Variants in NAALAD2 observed in about 807,000 individuals in gnomAD.
NAALAD2 encodes N-acetylated alpha-linked acidic dipeptidase 2.
Under a neutral mutation model 95.6 loss-of-function variants are expected in NAALAD2, and 89 were observed. The ratio of observed to expected loss-of-function variants is 0.93; its 90% confidence interval spans 0.78 to 1.11. The LOEUF is 1.11. NAALAD2 is among the 50% of genes least tolerant of loss of function. The pLI is 0.00. For synonymous variants in NAALAD2, 264 were observed against 294.4 expected, an observed-to-expected ratio of 0.90 and a Z score of 1.06; for missense variants, 894 against 872.4, an observed-to-expected ratio of 1.02 and a Z score of -0.31.
chr11:90,134,167 C>T (rs1951400208), upstream of NAALAD2, among the ~76,000 whole-genome samples: 2 of 151,958 alleles, frequency 1.3e-5, no homozygotes, highest in African/African-American at 4.8e-5. Context: ...TGAGTGGAAA[C>T]AGAATTACAG....
upstream of NAALAD2, among the ~76,000 whole-genome samples, chr11:90,132,372 G>A (rs963120148): frequency 6.6e-6 from 1 of 152,104 alleles, no homozygotes; most frequent in African/African-American, 2.4e-5. Context: ...AAATAGCTTA[G>A]CAACTTTATT....
intron 12 of NAALAD2, chr11:90,169,556 T>C (rs542339733): frequency 2.0e-4 from 31 of 154,152 alleles, no homozygotes; most frequent in Non-Finnish European, 4.2e-4. Flanking sequence ...CTGGATTGTC[T>C]ACGCCAACAG....
chr11:90,152,531 T>C, intron 6 of NAALAD2, 47 bp downstream of exon 6: 1 of 1,456,684 alleles, frequency 6.9e-7, no homozygotes. Flanking sequence ...AAATACTCCT[T>C]GCCCTTTTAG....
intron 11 of NAALAD2, among the ~76,000 whole-genome samples, chr11:90,167,949 C>T (rs10765261): frequency 0.45 from 68,677 of 152,032 alleles, 16,572 homozygotes; most frequent in African/African-American, 0.62. Context: ...AGCAGGCTGC[C>T]GGAGCAGCAG....
intron 12 of NAALAD2, 194 bp downstream of exon 12, chr11:90,169,186 T>G: frequency 2.1e-6 from 1 of 474,150 alleles, no homozygotes; most frequent in Non-Finnish European, 3.7e-6. Flanking sequence ...ATAATTAGGA[T>G]TCATATGAAT....
chr11:90,153,815 T>C (rs1951951631), intron 6 of NAALAD2, among the ~76,000 whole-genome samples: 1 of 152,050 alleles, frequency 6.6e-6, no homozygotes, highest in African/African-American at 2.4e-5. Context: ...TTTATGCTAT[T>C]GTAAAGTTTC....
At chr11:90,185,578 G>A (rs948460376) in intron 18 of NAALAD2, among the ~76,000 whole-genome samples, 1 of 152,070 alleles carries the variant, frequency 6.6e-6, no homozygotes, top group Non-Finnish European at 1.5e-5. Context: ...AAGGCAGGGG[G>A]ATTGCTTGAA....
intron 11 of NAALAD2, among the ~76,000 whole-genome samples, chr11:90,166,303 GTGTT>G (rs1952442343): frequency 6.6e-6 from 1 of 152,196 alleles, no homozygotes; most frequent in South Asian, 2.1e-4. Context: ...CTGTGTGTGT[GTGTT>G]TGTGTATGTG....
chr11:90,191,695 T>C lies in NAALAD2; in HGVS notation c.2171T>C (p.Ile724Thr), dbSNP rs1194525656. 1 of 1,600,512 alleles carries C rather than the reference T, an allele frequency of 6.2e-7. No individual in the cohort carries two copies. The change falls in exon 19 of 19, where the codon ATT (isoleucine) becomes ACT (threonine). Residue 724 changes from isoleucine to threonine, a missense_variant. By Grantham distance (89) the Ile-to-Thr change is moderately conservative (BLOSUM62 -1). Coordinates refer to ENST00000534061, the MANE Select transcript of NAALAD2 (RefSeq NM_005467.4). The part of the protein sequence containing the change: ...AWKEVKKHIS[I>T]AAFTIQAAAG... ...AAAGAAGTAAAGAAACATATTTCTA[T>C]TGCAGCTTTTACAATTCAAGCAGCA...
intron 16 of NAALAD2, among the ~76,000 whole-genome samples, chr11:90,180,312 C>G (rs1441752722): frequency 6.6e-6 from 1 of 152,070 alleles, no homozygotes; most frequent in Non-Finnish European, 1.5e-5. Flanking sequence ...CTCATAGTTT[C>G]TATTCTATCT....
At chr11:90,159,886 G>A (rs1007479899) in intron 8 of NAALAD2, among the ~76,000 whole-genome samples, 24 of 117,982 alleles carry the variant, frequency 2.0e-4, no homozygotes, top group East Asian at 3.6e-4. Context: ...CCCAGGAAGC[G>A]GAGGTTGCGG....
intron 16 of NAALAD2, among the ~76,000 whole-genome samples, chr11:90,181,407 C>T (rs1591024852): frequency 1.3e-5 from 2 of 152,082 alleles, no homozygotes; most frequent in Middle Eastern, 6.8e-3. Flanking sequence ...TTTTGAAAGT[C>T]ATTTCCTTTA....
chr11:90,153,433 T>C (rs576690407), intron 6 of NAALAD2, among the ~76,000 whole-genome samples: 2 of 152,304 alleles, frequency 1.3e-5, no homozygotes, highest in South Asian at 2.1e-4. Context: ...ATTTGCTATG[T>C]CCTCACCAAC....
intron 2 of NAALAD2, among the ~76,000 whole-genome samples, 200 bp downstream of exon 2, chr11:90,135,870 G>C (rs3740807): frequency 0.45 from 67,885 of 150,594 alleles, 16,203 homozygotes; most frequent in African/African-American, 0.61. Context: ...CTAACTTTAT[G>C]TAACAAAAAG....
chr11:90,133,958 G>C (rs1031228707), upstream of NAALAD2, among the ~76,000 whole-genome samples: 2 of 152,180 alleles, frequency 1.3e-5, no homozygotes, highest in East Asian at 3.9e-4. Flanking sequence ...AGCTGGAAGA[G>C]AGGGGTATGG....
intron 18 of NAALAD2, among the ~76,000 whole-genome samples, chr11:90,190,225 T>C (rs928768218): frequency 1.3e-5 from 2 of 152,200 alleles, no homozygotes; most frequent in African/African-American, 4.8e-5. Flanking sequence ...ACAGTACTTT[T>C]ATCACCATCA....
intron 6 of NAALAD2, among the ~76,000 whole-genome samples, chr11:90,153,229 C>T (rs4393275): frequency 0.18 from 27,999 of 152,046 alleles, 3,264 homozygotes; most frequent in East Asian, 0.4. Flanking sequence ...GGGGCTATTA[C>T]AGATAAAGGT....
At chr11:90,183,394 G>A (rs7102933) in intron 18 of NAALAD2, among the ~76,000 whole-genome samples, 66,058 of 151,820 alleles carry the variant, frequency 0.44, 14,994 homozygotes, top group African/African-American at 0.56. Flanking sequence ...TTCATGAGGA[G>A]GCTCATTTCA....
chr11:90,142,613 T>C (rs1488613408), intron 2 of NAALAD2, among the ~76,000 whole-genome samples: 1 of 152,148 alleles, frequency 6.6e-6, no homozygotes, highest in Non-Finnish European at 1.5e-5. Context: ...TAATCTTAAT[T>C]TAAGTATGCC....
Sources: gnomAD v4.1 joint callset for allele counts (sites outside exome capture counted in the v4.1 genomes callset) on GRCh38, gnomAD v4.1.1 for gene constraint, MANE v1.5 for transcripts, NCBI Gene and HGNC (gene_info 2026-07-23, HGNC 2026-07-21) for gene names.